SAMD3: variants seen among roughly 807,000 people sequenced by gnomAD.
SAMD3 encodes the protein sterile alpha motif domain-containing protein 3.
Under a neutral mutation model 58.5 loss-of-function variants are expected in SAMD3, and 63 were observed. The observed-to-expected ratio is 1.08, with a 90% CI of 0.88 to 1.33. SAMD3 has a LOEUF of 1.33. Among genes scored for constraint, SAMD3 ranks in the 40% most tolerant of loss-of-function variants. The probability of loss-of-function intolerance (pLI) is 0.00; values close to 1 mark genes in which losing one functional copy is unlikely to be tolerated. For missense variants in SAMD3, 604 were observed against 608.4 expected (o/e 0.99, Z 0.08); for synonymous variants, 220 against 210.3 (o/e 1.05, Z -0.40).
chr6:130,197,301 C>T (rs1250246870), intron 5 of SAMD3, among the ~76,000 whole-genome samples: 1 of 152,214 alleles, frequency 6.6e-6, no homozygotes, highest in African/African-American at 2.4e-5. Context: ...ATTCACCGTT[C>T]TCAACTACTC....
chr6:130,184,073 T>C (rs771441390), intron 7 of SAMD3, 30 bp downstream of exon 7: 6 of 1,568,454 alleles, frequency 3.8e-6, no homozygotes, highest in Middle Eastern at 1.7e-4. Flanking sequence ...TAGTCTGAAA[T>C]TAACAGGATG....
rs556956411 is a variant in SAMD3, at chr6:130,259,614, G to A, written c.-187-36801C>T. 1.3e-3 allele frequency among the ~76,000 whole-genome samples: 200 copies of A among 152,198 alleles called. 1 individual carries two copies. The highest frequency in any genetic ancestry group is 4.7e-3 in the African/African-American group (195 of 41,532). ...CAAAAGATACAGTGAATAGAAACAGGCCCTTTACCATTGTCTCAGTACCCG... is the reference window on the plus strand; with the variant it reads ...CAAAAGATACAGTGAATAGAAACAGACCCTTTACCATTGTCTCAGTACCCG... On this transcript the variant is annotated intron_variant, in intron 2 of 13. Coordinates refer to the SAMD3 transcript ENST00000368134.
intron 2 of SAMD3, among the ~76,000 whole-genome samples, chr6:130,273,693 T>A (rs1358475370): frequency 6.6e-6 from 1 of 152,046 alleles, no homozygotes; most frequent in African/African-American, 2.4e-5. Flanking sequence ...CCATAAGGCA[T>A]ATGTAAAATA....
chr6:130,270,376 A>T (rs922157097), intron 2 of SAMD3, among the ~76,000 whole-genome samples: 5 of 152,188 alleles, frequency 3.3e-5, no homozygotes, highest in African/African-American at 1.2e-4. Context: ...TACGGGCTTG[A>T]GCCCCTGCGT....
chr6:130,194,855 C>T (rs1383494822), intron 5 of SAMD3, among the ~76,000 whole-genome samples: 5 of 152,214 alleles, frequency 3.3e-5, no homozygotes, highest in African/African-American at 1.2e-4. Context: ...ACAGGACCAT[C>T]ACAGATGCTC....
intron 1 of SAMD3, among the ~76,000 whole-genome samples, chr6:130,318,326 A>G (rs6928618): frequency 0.24 from 36,862 of 152,178 alleles, 5,312 homozygotes; most frequent in African/African-American, 0.4. Context: ...CCAATGAACT[A>G]TCTCCCATAA....
chr6:130,208,147 G>A (rs142599724), intron 5 of SAMD3, among the ~76,000 whole-genome samples: 1 of 152,220 alleles, frequency 6.6e-6, no homozygotes, highest in Non-Finnish European at 1.5e-5. Context: ...TGCTCTGTGG[G>A]CAAAATGAGC....
chr6:130,323,873 T>C (rs12195758), intron 1 of SAMD3, among the ~76,000 whole-genome samples: 65,259 of 148,834 alleles, frequency 0.44, 16,494 homozygotes, highest in African/African-American at 0.7. Context: ...AGAAAATGTG[T>C]CTTCTGGTTC....
intron 1 of SAMD3, among the ~76,000 whole-genome samples, chr6:130,326,262 A>G (rs902430406): frequency 3.3e-5 from 5 of 151,826 alleles, no homozygotes; most frequent in Non-Finnish European, 5.9e-5. Context: ...CCTATGTTGT[A>G]TGCTTAAATA....
In SAMD3 at chr6:130,334,622, G is replaced by C. The variant is rs117814928; in HGVS notation, c.-303-21529C>G. Reference sequence around the variant, plus strand: ...TTCACCTTCTTGATATATAAAACGGGGATCATTACACTTGCCTTCCAAGGT... The same window carrying C: ...TTCACCTTCTTGATATATAAAACGGCGATCATTACACTTGCCTTCCAAGGT... On this transcript the variant is annotated intron_variant, in intron 1 of 13. Transcript: ENST00000368134. Among the ~76,000 whole-genome samples, 438 of 152,224 alleles carry C rather than the reference G, an allele frequency of 2.9e-3. 2 individuals carry two copies. The highest frequency in any genetic ancestry group is 4.9e-3 in the Non-Finnish European group (336 of 68,026).
chr6:130,343,520 A>G (rs1253049639), intron 1 of SAMD3, among the ~76,000 whole-genome samples: 2 of 152,192 alleles, frequency 1.3e-5, no homozygotes, highest in African/African-American at 2.4e-5. Context: ...AAGTCAGACT[A>G]TGAGAGCTGG....
At chr6:130,295,574 C>T (rs1369552931) in intron 2 of SAMD3, among the ~76,000 whole-genome samples, 1 of 152,170 alleles carries the variant, frequency 6.6e-6, no homozygotes, top group Non-Finnish European at 1.5e-5. Context: ...TAGGAGACCA[C>T]AGCAAAACTC....
Position 130,151,017 on chromosome 6 carries a change from T to C in SAMD3, c.1023+3808A>G, listed in dbSNP as rs187013647. Among the ~76,000 whole-genome samples the C allele has an allele frequency of 3.3e-5, 5 of 152,208 alleles. No individual in the cohort carries two copies. In the East Asian group the frequency reaches 9.7e-4, roughly 29 times the overall value. On this transcript the variant is annotated intron_variant, in intron 9 of 11. Transcript: ENST00000439090. ...GTGAGCCACCACACCTAGCCTGAAT[T>C]CTTATTAGCAACACTGTGTGAAGTC...
At position 130,175,843 on chromosome 6, in the gene SAMD3, T is replaced by C. The variant is rs1562398213; in HGVS notation, c.820A>G (p.Lys274Glu). ...AACATTTAGGAATTCAATCTTACTT[T>C]TATCTGGACAAGTTTAATTTCATCA... ...RFDEIKLVQIKEEAVCFDSEL... is the reference protein window; with the variant it reads ...RFDEIKLVQIEEEAVCFDSEL... The change falls in exon 8 of 12, where the codon AAA becomes GAA. Residue 274 changes from lysine to glutamate, a missense_variant and splice_region_variant. By Grantham distance (56) the Lys-to-Glu change is moderately conservative. Coordinates refer to ENST00000439090, the MANE Select transcript of SAMD3 (RefSeq NM_001017373.4). The C allele has an allele frequency of 6.2e-7, 1 of 1,604,998 alleles. No individual in the cohort carries two copies.
At chr6:130,288,029 C>A (rs1171786964) in intron 2 of SAMD3, among the ~76,000 whole-genome samples, 1 of 151,772 alleles carries the variant, frequency 6.6e-6, no homozygotes, top group Non-Finnish European at 1.5e-5. Flanking sequence ...CTATAAGCAG[C>A]CAGTGTGTTA....
Position 130,254,586 on chromosome 6 carries a change from C to T in SAMD3, c.-187-31773G>A, listed in dbSNP as rs1161098467. ...TCAAGCAATCTGCCTGCCTTGGCCT[C>T]CCCAAGTGCTGGGATTACAGGTGTA... On this transcript the variant is annotated intron_variant, in intron 2 of 13. Coordinates refer to the SAMD3 transcript ENST00000368134. Among the ~76,000 whole-genome samples the T allele has an allele frequency of 2.6e-5, 4 of 152,276 alleles. No homozygotes were observed. The South Asian group carries it at 8.3e-4, about 32-fold the overall frequency.
At chr6:130,218,037 T>C (rs1005616803) in intron 1 of SAMD3, among the ~76,000 whole-genome samples, 3 of 152,198 alleles carry the variant, frequency 2.0e-5, no homozygotes, top group African/African-American at 7.2e-5. Flanking sequence ...TTCTCTTGGG[T>C]AGCAGCCTCG....
intron 2 of SAMD3, among the ~76,000 whole-genome samples, chr6:130,271,621 T>A (rs1170871150): frequency 2.0e-5 from 3 of 152,240 alleles, no homozygotes; most frequent in Non-Finnish European, 4.4e-5. Flanking sequence ...GCGTTTGACT[T>A]TCTTGTTTTC....
At chr6:130,280,154 C>T (rs1157498852) in intron 2 of SAMD3, among the ~76,000 whole-genome samples, 3 of 152,130 alleles carry the variant, frequency 2.0e-5, no homozygotes, top group Non-Finnish European at 2.9e-5. Context: ...TTTAAAAGTT[C>T]CCATTCACTG....
Sources: allele counts gnomAD v4.1 joint callset (sites outside exome capture counted in the v4.1 genomes callset), GRCh38; gene constraint gnomAD v4.1.1; transcripts MANE v1.5; gene names NCBI Gene and HGNC (gene_info 2026-07-23, HGNC 2026-07-21).